Variants in PDE10A observed in about 807,000 individuals in gnomAD.
PDE10A encodes cAMP and cAMP-inhibited cGMP 3',5'-cyclic phosphodiesterase 10A.
PDE10A carries 39 observed loss-of-function variants against 97.7 expected under a neutral mutation model. The ratio of observed to expected loss-of-function variants is 0.40; its 90% CI spans 0.31 to 0.52. PDE10A has a LOEUF of 0.52. Ranked by LOEUF, PDE10A falls within the 20% of genes least tolerant of loss-of-function variation. The pLI, the probability that PDE10A is intolerant of heterozygous loss-of-function variation, is 0.56. For missense variants in PDE10A, 731 were observed against 1,047.8 expected (o/e 0.70, Z 4.17); for synonymous variants, 371 against 376.8 (o/e 0.98, Z 0.18).
At position 165,418,567 on chromosome 6, in the gene PDE10A, GA is replaced by G; in HGVS notation, c.1796+67del. The G allele has an allele frequency of 6.8e-7, 1 of 1,474,812 alleles. No homozygotes were observed. The allele number at this position is 1,474,812 out of a possible 1,614,324, so 91.4% of individuals were successfully genotyped here. ...GTCAGCATACCTGTGAATAGGCACA[GA>G]AAAATGGGTAACGGAACGCCTGCAC... is the stretch of plus-strand genomic sequence containing the variant. On this transcript the variant is annotated intron_variant, in intron 11 of 21. Transcript: ENST00000539869. This position sits in a 1 kb window ranked among gnomAD's most constrained non-coding sequence, Gnocchi z 4.8.
exon 1 of PDE10A, chr6:165,987,858 G>C (rs2128505811): frequency 2.6e-6 from 1 of 387,436 alleles, no homozygotes; most frequent in South Asian, 1.9e-5. Flanking sequence ...CTCGGGGAAA[G>C]CTGCACCCAG....
chr6:165,593,958 A>T (rs901088952), intron 1 of PDE10A, among the ~76,000 whole-genome samples: 1 of 152,244 alleles, frequency 6.6e-6, no homozygotes, highest in Non-Finnish European at 1.5e-5. Context: ...CTAACCTATA[A>T]TGTATAAGCT....
At chr6:165,784,238 A>G (rs1046808593) in intron 1 of PDE10A, among the ~76,000 whole-genome samples, 1 of 151,960 alleles carries the variant, frequency 6.6e-6, no homozygotes, top group African/African-American at 2.4e-5. Flanking sequence ...AAAAAAAAGA[A>G]AAAAGAAATA....
chr6:165,483,699 A>T (rs1344784162), intron 2 of PDE10A, among the ~76,000 whole-genome samples: 1 of 152,248 alleles, frequency 6.6e-6, no homozygotes, highest in Non-Finnish European at 1.5e-5. Context: ...TAAAAGGAGC[A>T]ATGTGTGAAC....
intron 1 of PDE10A, among the ~76,000 whole-genome samples, chr6:165,659,793 T>C (rs953609065): frequency 6.6e-6 from 1 of 152,200 alleles, no homozygotes; most frequent in Non-Finnish European, 1.5e-5. Flanking sequence ...AGGTATTGTG[T>C]TCCTAAAGGG....
rs1447194829 is a variant in PDE10A, at chr6:165,327,463, A to G, written c.*5562T>C. Reference sequence around the variant, plus strand: ...GTAAGTAAAACAAAGATTTTGCAATATAACACTCATATATGCATATATACT... The same window carrying G: ...GTAAGTAAAACAAAGATTTTGCAATGTAACACTCATATATGCATATATACT... On this transcript the variant is annotated 3_prime_UTR_variant, in exon 22 of 22. Coordinates refer to ENST00000539869, the MANE Select transcript of PDE10A (RefSeq NM_001385079.1). The G allele has an allele frequency of 1.3e-5, 2 of 152,244 alleles. No individual in the cohort carries two copies. Among genetic ancestry groups the G allele is most frequent in the East Asian group, 1.9e-4 (1 of 5,200 alleles). The allele number at this position is 152,244 out of a possible 1,614,324, so 9.4% of individuals were successfully genotyped here.
chr6:165,819,711 C>G lies in PDE10A; in HGVS notation c.-615+167818G>C, dbSNP rs534164955. On this transcript the variant is annotated intron_variant, in intron 1 of 19. Coordinates refer to the PDE10A transcript ENST00000366882. The surrounding 1 kb of genome is among the most constrained non-coding windows in gnomAD (Gnocchi z 4.2). The stretch of plus-strand genomic sequence containing the variant: ...TTTCACTGACTGTGCACCACGTACT[C>G]CTCACCCGCCCTCCCGCTGTGAGCA... Among the ~76,000 whole-genome samples the G allele has an allele frequency of 1.3e-5, 2 of 152,342 alleles. No individual in the cohort carries two copies. Among genetic ancestry groups the G allele is most frequent in the East Asian group, 3.9e-4 (2 of 5,180 alleles).
intron 1 of PDE10A, among the ~76,000 whole-genome samples, chr6:165,559,795 G>T (rs953195564): frequency 1.3e-5 from 2 of 152,146 alleles, no homozygotes; most frequent in Admixed American, 1.3e-4. Flanking sequence ...TGTTCTCGTG[G>T]TAGTGACTAT....
At chr6:165,456,808 C>T (rs1310590435) in intron 3 of PDE10A, among the ~76,000 whole-genome samples, 3 of 152,066 alleles carry the variant, frequency 2.0e-5, no homozygotes, top group Non-Finnish European at 4.4e-5. Flanking sequence ...ATCCTGTTTC[C>T]TTTTGTTGCT....
chr6:165,662,310 G>C lies in PDE10A; in HGVS notation c.502C>G (p.Gln168Glu), dbSNP rs570027547. The C allele has an allele frequency of 2.9e-3, 458 of 160,438 alleles. 3 individuals carry two copies. Among genetic ancestry groups the C allele is most frequent in the African/African-American group, 1.0e-2 (404 of 40,554 alleles). 9.9% of individuals were successfully genotyped at this position (160,438 alleles called of 1,614,324 possible). A position where few individuals can be genotyped will look rare whatever the true frequency, so the allele number is the denominator to read the frequency against. ...GDAGGGGGGG[Q>E]EAAPLSVPTS... ...GGGACGCTCAAGGGAGCTGCCTCTT[G>C]TCCTCCTCCTCCTCCTCCGCCAGCA... is the stretch of plus-strand genomic sequence containing the variant. The change falls in exon 1 of 22, where the codon CAA (glutamine) becomes GAA (glutamate). Residue 168 changes from glutamine (Q) to glutamate (E), a missense_variant. Gln to Glu is a conservative substitution (Grantham distance 29, BLOSUM62 2). This residue lies in a region of PDE10A where 181 missense variants were observed against 159.1 expected (regional missense o/e 1.14). Coordinates refer to ENST00000539869, the MANE Select transcript of PDE10A (RefSeq NM_001385079.1).
intron 1 of PDE10A, among the ~76,000 whole-genome samples, chr6:165,616,929 T>C (rs1025535600): frequency 2.6e-5 from 4 of 152,220 alleles, no homozygotes; most frequent in Non-Finnish European, 4.4e-5. Flanking sequence ...TTAATTACAC[T>C]GGCAAACTTC....
At chr6:165,873,636 A>G (rs1012549667) in intron 1 of PDE10A, among the ~76,000 whole-genome samples, 2 of 152,238 alleles carry the variant, frequency 1.3e-5, no homozygotes, top group African/African-American at 4.8e-5. Flanking sequence ...GTTTAAGCTC[A>G]GTATTTGAAT....
intron 12 of PDE10A, among the ~76,000 whole-genome samples, chr6:165,414,331 GC>G (rs1788152195): frequency 6.6e-6 from 1 of 152,158 alleles, no homozygotes; most frequent in African/African-American, 2.4e-5. Flanking sequence ...GAAAAGGCTT[GC>G]TGACTCCTAT....
At chr6:165,728,235 C>T (rs916023045) in intron 1 of PDE10A, among the ~76,000 whole-genome samples, 5 of 152,260 alleles carry the variant, frequency 3.3e-5, no homozygotes, top group Middle Eastern at 3.4e-3. Flanking sequence ...GGGTAAACAT[C>T]GGGACTCTAA....
chr6:165,840,206 C>T (rs889099034), intron 1 of PDE10A, among the ~76,000 whole-genome samples: 1 of 152,064 alleles, frequency 6.6e-6, no homozygotes, highest in African/African-American at 2.4e-5. Flanking sequence ...TCCCCATCCC[C>T]ACCTCCACCC....
intron 3 of PDE10A, among the ~76,000 whole-genome samples, chr6:165,458,035 G>A (rs1264591839): frequency 1.3e-5 from 2 of 152,056 alleles, no homozygotes; most frequent in Non-Finnish European, 2.9e-5. Flanking sequence ...TGTTAAATTG[G>A]ATAAATATTT....
At chr6:165,381,631 A>ATTTTTT (rs547827126) in intron 17 of PDE10A, among the ~76,000 whole-genome samples, 12 of 118,684 alleles carry the variant, frequency 1.0e-4, no homozygotes, top group African/African-American at 1.7e-4. Flanking sequence ...CACCTGGCTA[A>ATTTTTT]TTTTTTTTTT....
At chr6:165,357,545 G>T (rs1191442931) in intron 18 of PDE10A, among the ~76,000 whole-genome samples, 2 of 152,062 alleles carry the variant, frequency 1.3e-5, no homozygotes, top group African/African-American at 4.8e-5. Flanking sequence ...TTTGTTTTAA[G>T]ATTAGATTTC....
chr6:165,531,270 A>G (rs1048417973), intron 2 of PDE10A, among the ~76,000 whole-genome samples: 1 of 151,736 alleles, frequency 6.6e-6, no homozygotes, highest in African/African-American at 2.4e-5. Flanking sequence ...TTTAGATTCA[A>G]AGCTCCATTA....
Sources: allele counts gnomAD v4.1 joint callset (sites outside exome capture counted in the v4.1 genomes callset), GRCh38; gene constraint gnomAD v4.1.1; regional missense constraint gnomAD v4.1.1; non-coding constraint Gnocchi (gnomAD v3.1); transcripts MANE v1.5; gene names NCBI Gene and HGNC (gene_info 2026-07-23, HGNC 2026-07-21).